ULK4: variants seen among roughly 807,000 people sequenced by gnomAD.
ULK4 encodes inactive serine/threonine-protein kinase ULK4.
In ULK4, 133 loss-of-function variants were observed where a neutral mutation model predicts 160.6. That is an observed-to-expected ratio of 0.83 (90% CI 0.72 to 0.96). The LOEUF (loss-of-function observed/expected upper bound fraction) is 0.96, where lower values mean the gene tolerates loss of function less well. Among genes scored for constraint, ULK4 ranks in the 40% least tolerant of loss-of-function variants. The pLI is 0.00. For synonymous variants in ULK4, 534 were observed against 539.8 expected (o/e 0.99, Z 0.15); for missense variants, 1,580 against 1,499.5 (o/e 1.05, Z -0.89).
intron 35 of ULK4, among the ~76,000 whole-genome samples, chr3:41,373,683 G>A (rs776660583): frequency 9.9e-5 from 15 of 152,010 alleles, no homozygotes; most frequent in South Asian, 4.2e-4. Context: ...AGGAGAAAGC[G>A]GGAAAGATCT....
intron 35 of ULK4, among the ~76,000 whole-genome samples, chr3:41,289,528 AT>A (rs2079519604): frequency 6.6e-6 from 1 of 152,254 alleles, no homozygotes; most frequent in Admixed American, 6.5e-5. Flanking sequence ...CTGATAAAAA[AT>A]ATTTGATGTT....
chr3:41,332,138 G>A lies in ULK4; in HGVS notation c.3678+65941C>T, dbSNP rs185713155. The stretch of plus-strand genomic sequence containing the variant: ...TCTTTAGTACCCATTGGAAATCTGA[G>A]TGTGGCCACTGTGTAGAGTGCAGGA... On this transcript the variant is annotated intron_variant, in intron 35 of 36. Transcript: ENST00000301831. Among the ~76,000 whole-genome samples the A allele has an allele frequency of 2.0e-5, 3 of 151,890 alleles. No homozygotes were observed. In the East Asian group the frequency reaches 5.8e-4, roughly 29 times the overall value.
chr3:41,366,748 G>A (rs973614867), intron 35 of ULK4, among the ~76,000 whole-genome samples: 4 of 152,152 alleles, frequency 2.6e-5, no homozygotes, highest in African/African-American at 9.7e-5. Context: ...GACAATGTGG[G>A]GGAAATGTCC....
intron 18 of ULK4, among the ~76,000 whole-genome samples, chr3:41,820,547 A>T (rs574333694): frequency 2.0e-3 from 308 of 152,196 alleles, no homozygotes; most frequent in African/African-American, 7.1e-3. Context: ...ATCAAATACC[A>T]CGTGTTCTCA....
At chr3:41,403,781 T>C (rs1036303024) in intron 34 of ULK4, among the ~76,000 whole-genome samples, 17 of 152,168 alleles carry the variant, frequency 1.1e-4, no homozygotes, top group Admixed American at 1.0e-3. Context: ...CCTACGTATT[T>C]TGATATGTTT....
intron 17 of ULK4, among the ~76,000 whole-genome samples, chr3:41,870,768 A>G (rs989634683): frequency 6.6e-6 from 1 of 152,160 alleles, no homozygotes; most frequent in Non-Finnish European, 1.5e-5. Context: ...TCCCTCATAC[A>G]ATCCTTATGC....
chr3:41,797,466 C>T (rs1305603245), intron 20 of ULK4, among the ~76,000 whole-genome samples: 1 of 152,106 alleles, frequency 6.6e-6, no homozygotes, highest in Non-Finnish European at 1.5e-5. Flanking sequence ...TAAGCTTCAC[C>T]CCACAAAACA....
intron 27 of ULK4, among the ~76,000 whole-genome samples, chr3:41,683,967 C>T (rs2036011947): frequency 6.6e-6 from 1 of 152,210 alleles, no homozygotes; most frequent in Non-Finnish European, 1.5e-5. Flanking sequence ...CGTGGGTCCA[C>T]AGTTTGCGTC....
intron 18 of ULK4, among the ~76,000 whole-genome samples, chr3:41,826,758 A>C (rs1186418522): frequency 1.3e-5 from 2 of 149,524 alleles, no homozygotes; most frequent in African/African-American, 5.1e-5. Context: ...AACGAGACAG[A>C]AAGTTAACAA....
At chr3:41,406,591 A>C (rs7356088) in intron 34 of ULK4, among the ~76,000 whole-genome samples, 1 of 152,010 alleles carries the variant, frequency 6.6e-6, no homozygotes, top group African/African-American at 2.4e-5. Context: ...GACCATTTAC[A>C]TTTAAGGTAA....
chr3:41,827,156 A>G (rs1368808456), intron 18 of ULK4, among the ~76,000 whole-genome samples: 1 of 144,054 alleles, frequency 6.9e-6, no homozygotes, highest in Non-Finnish European at 1.5e-5. Flanking sequence ...ACACATTCAA[A>G]GCAGTGTGTA....
At chr3:41,331,039 C>T (rs2080431901) in intron 35 of ULK4, among the ~76,000 whole-genome samples, 1 of 152,208 alleles carries the variant, frequency 6.6e-6, no homozygotes, top group Admixed American at 6.5e-5. Context: ...GGCCACTGCT[C>T]TTGGGCTGTT....
intron 31 of ULK4, among the ~76,000 whole-genome samples, chr3:41,571,504 T>C (rs946085973): frequency 6.6e-6 from 1 of 152,166 alleles, no homozygotes; most frequent in Non-Finnish European, 1.5e-5. Context: ...TTGAAAAACA[T>C]TACATTTGCC....
intron 22 of ULK4, among the ~76,000 whole-genome samples, chr3:41,722,920 AAGAGTTGCT>A (rs1195371835): frequency 6.6e-6 from 1 of 152,158 alleles, no homozygotes; most frequent in Non-Finnish European, 1.5e-5. Flanking sequence ...ACACATGTGC[AAGAGTTGCT>A]AGGGTACATG....
chr3:41,699,873 G>A (rs1334940783), intron 27 of ULK4, among the ~76,000 whole-genome samples: 1 of 152,064 alleles, frequency 6.6e-6, no homozygotes, highest in Non-Finnish European at 1.5e-5. Flanking sequence ...TCTAATAGAC[G>A]CTGTAGTTAC....
At chr3:41,535,890 T>C (rs2086481343) in intron 32 of ULK4, among the ~76,000 whole-genome samples, 1 of 152,130 alleles carries the variant, frequency 6.6e-6, no homozygotes, top group South Asian at 2.1e-4. Context: ...GGAAGCCCCA[T>C]ACCCTTCCTT....
chr3:41,860,899 GTTGT>G (rs371514635), intron 17 of ULK4, among the ~76,000 whole-genome samples: 2,603 of 151,310 alleles, frequency 0.017, 56 homozygotes, highest in African/African-American at 0.049. Flanking sequence ...TTTTTTTGTT[GTTGT>G]TTGTTTGTTT....
intron 35 of ULK4, among the ~76,000 whole-genome samples, chr3:41,321,362 G>A (rs1450123308): frequency 6.6e-6 from 1 of 152,170 alleles, no homozygotes; most frequent in Non-Finnish European, 1.5e-5. Context: ...GTACCCAGTG[G>A]CTGGATTGGT....
At chr3:41,597,817 G>A (rs1333125731) in intron 31 of ULK4, among the ~76,000 whole-genome samples, 1 of 152,132 alleles carries the variant, frequency 6.6e-6, no homozygotes, top group Non-Finnish European at 1.5e-5. Context: ...TTTGGGAGGG[G>A]AGCAGCCCTT....
Sources: gnomAD v4.1 joint callset for allele counts (sites outside exome capture counted in the v4.1 genomes callset) on GRCh38, gnomAD v4.1.1 for gene constraint, MANE v1.5 for transcripts, NCBI Gene and HGNC (gene_info 2026-07-23, HGNC 2026-07-21) for gene names.